Variants in NRG1 observed in about 807,000 individuals in gnomAD.
NRG1 encodes the protein pro-neuregulin-1, membrane-bound isoform.
NRG1 carries 18 observed loss-of-function variants against 63.8 expected under a neutral mutation model. The observed-to-expected ratio is 0.28, with a 90% confidence interval of 0.19 to 0.42. The LOEUF (loss-of-function observed/expected upper bound fraction) is 0.42, where lower values mean the gene tolerates loss of function less well. Among genes scored for constraint, NRG1 ranks in the 10% least tolerant of loss-of-function variants. The probability of loss-of-function intolerance (pLI) is 1.00; values close to 1 mark genes in which losing one functional copy is unlikely to be tolerated. For missense variants in NRG1, 762 were observed against 814.7 expected (o/e 0.94, Z 0.79); for synonymous variants, 302 against 301.3 (o/e 1.00, Z -0.02).
intron 1 of NRG1, among the ~76,000 whole-genome samples, chr8:32,494,061 A>C (rs2129495239): frequency 6.6e-6 from 1 of 152,336 alleles, no homozygotes; most frequent in East Asian, 1.9e-4. Context: ...GTTTGTAACA[A>C]ATGCGGTGGT....
At chr8:32,729,136 T>C (rs550826638) in intron 6 of NRG1, among the ~76,000 whole-genome samples, 32 of 152,086 alleles carry the variant, frequency 2.1e-4, no homozygotes, top group Non-Finnish European at 4.1e-4. Flanking sequence ...CAGCGTAAGA[T>C]AGTGATAGTA....
chr8:32,505,025 AG>A (rs1322877978), intron 1 of NRG1, among the ~76,000 whole-genome samples: 1 of 152,176 alleles, frequency 6.6e-6, no homozygotes, highest in Non-Finnish European at 1.5e-5. Context: ...CAGCTGAAGG[AG>A]GAAGAGAAAG....
intron 1 of NRG1, among the ~76,000 whole-genome samples, chr8:32,073,030 G>C (rs1298610795): frequency 6.6e-6 from 1 of 151,870 alleles, no homozygotes; most frequent in Non-Finnish European, 1.5e-5. Context: ...TGGTCAAAGA[G>C]ATAGCCTGAG....
At chr8:32,744,589 A>G (rs144584197) in intron 7 of NRG1, among the ~76,000 whole-genome samples, 229 of 152,252 alleles carry the variant, frequency 1.5e-3, no homozygotes, top group Non-Finnish European at 2.8e-3. Context: ...ACATAGACTC[A>G]GCAAATCCAT....
chr8:32,317,443 G>GA (rs1360403636), intron 1 of NRG1, among the ~76,000 whole-genome samples: 2 of 152,166 alleles, frequency 1.3e-5, no homozygotes, highest in Admixed American at 6.5e-5. Context: ...CAAAGCCGAG[G>GA]AAGAAGAATT....
intron 1 of NRG1, among the ~76,000 whole-genome samples, chr8:31,742,481 T>TTTTTTTTTTTTAAA (rs1815391455): frequency 1.5e-5 from 2 of 134,216 alleles, no homozygotes; most frequent in Admixed American, 7.7e-5. Context: ...TTTTTTTTTT[T>TTTTTTTTTTTTAAA]AACGAAAGCT....
At chr8:31,781,253 A>G (rs1176654446) in intron 1 of NRG1, among the ~76,000 whole-genome samples, 1 of 152,132 alleles carries the variant, frequency 6.6e-6, no homozygotes, top group Non-Finnish European at 1.5e-5. Flanking sequence ...GTGAGGAGTA[A>G]TTGTAGCATC....
rs561714548 is a variant in NRG1 at position 32,268,573 on chromosome 8, G to A, written c.38-327255G>A. 2.0e-5 allele frequency among the ~76,000 whole-genome samples: 3 copies of A among 152,258 alleles called. No individual in the cohort carries two copies. In the South Asian group the frequency reaches 6.2e-4, roughly 32 times the overall value. On this transcript the variant is annotated intron_variant, in intron 1 of 10. Transcript: ENST00000519301. ...TCTCCCTATTAGCATGTGCATGTGT[G>A]TGTGTGTCCATGTGTCCATACATGA... is the stretch of plus-strand genomic sequence containing the variant.
chr8:31,989,560 G>T (rs1768342877), intron 1 of NRG1, among the ~76,000 whole-genome samples: 1 of 152,014 alleles, frequency 6.6e-6, no homozygotes, highest in African/African-American at 2.4e-5. Flanking sequence ...TTAAGCGTCT[G>T]CCTTGCATAC....
intron 1 of NRG1, among the ~76,000 whole-genome samples, chr8:32,531,945 G>C (rs1201655259): frequency 6.6e-6 from 1 of 152,140 alleles, no homozygotes; most frequent in Non-Finnish European, 1.5e-5. Context: ...ACCAACATAA[G>C]CATGTTTAAG....
rs184652904 is a variant in NRG1, at chr8:32,348,575, A to T, written c.38-247253A>T. The stretch of plus-strand genomic sequence containing the variant: ...AATGAACAACATTTATGGTCAAATA[A>T]CATAAAGAAAAATCCTTTATAGCCA... On this transcript the variant is annotated intron_variant, in intron 1 of 10. Transcript: ENST00000519301. Among the ~76,000 whole-genome samples the T allele has an allele frequency of 4.2e-3, 647 of 152,338 alleles. 2 individuals carry two copies. Among genetic ancestry groups the T allele is most frequent in the Non-Finnish European group, 6.2e-3 (421 of 68,030 alleles).
At chr8:32,359,192 G>A (rs937872621) in intron 1 of NRG1, among the ~76,000 whole-genome samples, 1 of 152,074 alleles carries the variant, frequency 6.6e-6, no homozygotes, top group Non-Finnish European at 1.5e-5. Context: ...TTTTAGAGTT[G>A]TTTGAAGAGT....
At chr8:32,166,611 C>T (rs916446139) in intron 1 of NRG1, among the ~76,000 whole-genome samples, 8 of 152,224 alleles carry the variant, frequency 5.3e-5, no homozygotes, top group East Asian at 1.9e-4. Flanking sequence ...CCTGGAGTGA[C>T]GAAGAATCTA....
chr8:31,921,096 A>C (rs1833873699), intron 1 of NRG1, among the ~76,000 whole-genome samples: 1 of 152,212 alleles, frequency 6.6e-6, no homozygotes, highest in Admixed American at 6.5e-5. Context: ...TTTCTGGTAC[A>C]AAATTACAAT....
intron 1 of NRG1, among the ~76,000 whole-genome samples, chr8:32,375,298 C>A (rs533959822): frequency 6.6e-6 from 1 of 152,024 alleles, no homozygotes; most frequent in Non-Finnish European, 1.5e-5. Flanking sequence ...TTTTAGACAG[C>A]TACCCCTCTG....
At chr8:31,875,279 C>T (rs375731040) in intron 1 of NRG1, among the ~76,000 whole-genome samples, 22 of 152,186 alleles carry the variant, frequency 1.4e-4, no homozygotes, top group African/African-American at 3.9e-4. Context: ...CTGTATTCTC[C>T]GAATTGAGTT....
Position 32,530,044 on chromosome 8 carries a change from C to T in NRG1, c.38-65784C>T, listed in dbSNP as rs369618849. On this transcript the variant is annotated intron_variant, in intron 1 of 10. Transcript: ENST00000519301. Reference sequence around the variant, plus strand: ...GTTTACACCAGCAACACCACAAACACGAGTAATGTGTTGTGCTACAATGTC... The same window carrying T: ...GTTTACACCAGCAACACCACAAACATGAGTAATGTGTTGTGCTACAATGTC... 5.3e-5 allele frequency among the ~76,000 whole-genome samples: 8 copies of T among 152,208 alleles called. No homozygotes were observed. The East Asian group carries it at 7.7e-4, about 15-fold the overall frequency.
chr8:31,737,269 A>AT (rs975479622), intron 1 of NRG1, among the ~76,000 whole-genome samples: 4 of 151,822 alleles, frequency 2.6e-5, no homozygotes, highest in Non-Finnish European at 5.9e-5. Flanking sequence ...TTCTCCTAGG[A>AT]TTTTTCCCCA....
At position 31,640,877 on chromosome 8, in the gene NRG1, C is replaced by G; in HGVS notation, c.37+1446C>G. The G allele has an allele frequency of 3.7e-6, 5 of 1,368,240 alleles. No homozygotes were observed. The highest frequency in any genetic ancestry group is 4.7e-6 in the Non-Finnish European group (5 of 1,062,720). 84.8% of individuals were successfully genotyped at this position (1,368,240 alleles called of 1,614,324 possible). On this transcript the variant is annotated intron_variant, in intron 1 of 10. Coordinates refer to the NRG1 transcript ENST00000519301. The surrounding 1 kb of genome is among the most constrained non-coding windows in gnomAD (Gnocchi z 6.3). ...TTCAGGGTGGTGGGTTCTCAGCGAT[C>G]CTCAGAGAGGGAGGTTTCGCTTTCT...
Sources: gnomAD v4.1 joint callset for allele counts (sites outside exome capture counted in the v4.1 genomes callset) on GRCh38, gnomAD v4.1.1 for gene constraint, Gnocchi (gnomAD v3.1) non-coding constraint, MANE v1.5 for transcripts, NCBI Gene and HGNC (gene_info 2026-07-23, HGNC 2026-07-21) for gene names.